The following ADGRV1 variants were observed in gnomAD, a reference collection of about 807,000 sequenced individuals.
ADGRV1 encodes the protein adhesion G protein-coupled receptor V1.
A neutral mutation model predicts 596.2 loss-of-function variants in ADGRV1; 359 were observed. That is an observed-to-expected ratio of 0.60 (90% CI 0.55 to 0.66). The LOEUF is 0.66. Ranked by LOEUF, ADGRV1 falls within the 30% of genes least tolerant of loss-of-function variation. The pLI, the probability that ADGRV1 is intolerant of heterozygous loss-of-function variation, is 0.00. For missense variants in ADGRV1, 7,274 were observed against 7,575.6 expected, an observed-to-expected ratio of 0.96 and a Z score of 1.48; for synonymous variants, 2,681 against 2,679.2, an observed-to-expected ratio of 1.00 and a Z score of -0.02.
At chr5:90,611,483 G>A (rs950037149) in intron 1 of ADGRV1, among the ~76,000 whole-genome samples, 1 of 151,970 alleles carries the variant, frequency 6.6e-6, no homozygotes, top group Admixed American at 6.6e-5. Context: ...CAAAACAAAA[G>A]TGAGAGGTGG....
chr5:90,819,252 G>A (rs1763229231), intron 75 of ADGRV1, among the ~76,000 whole-genome samples: 1 of 151,600 alleles, frequency 6.6e-6, no homozygotes, highest in African/African-American at 2.4e-5. Context: ...CTGTGGGATT[G>A]GTGGTGATAT....
At chr5:91,030,081 T>C (rs746829781) in intron 85 of ADGRV1, among the ~76,000 whole-genome samples, 3 of 152,124 alleles carry the variant, frequency 2.0e-5, no homozygotes, top group Admixed American at 6.6e-5. Flanking sequence ...AAATTACTAT[T>C]CACATGTGGG....
intron 83 of ADGRV1, among the ~76,000 whole-genome samples, chr5:90,867,622 G>T (rs1029694550): frequency 6.6e-6 from 1 of 152,216 alleles, no homozygotes; most frequent in Non-Finnish European, 1.5e-5. Flanking sequence ...AGTCCTGTGT[G>T]ACTTCCCAAA....
chr5:90,919,355 A>G (rs540897954), intron 83 of ADGRV1, among the ~76,000 whole-genome samples: 3 of 152,318 alleles, frequency 2.0e-5, no homozygotes, highest in African/African-American at 7.2e-5. Flanking sequence ...TGGTATTTAG[A>G]TAGGATTGGA....
intron 70 of ADGRV1, among the ~76,000 whole-genome samples, chr5:90,797,623 G>A (rs143072023): frequency 1.8e-4 from 27 of 152,196 alleles, no homozygotes; most frequent in African/African-American, 6.5e-4. Flanking sequence ...TGGACCAAGT[G>A]GACCTAAGAG....
At chr5:90,644,111 G>C (rs997234114) in intron 14 of ADGRV1, 128 bp downstream of exon 14, 2 of 657,726 alleles carry the variant, frequency 3.0e-6, no homozygotes, top group African/African-American at 3.7e-5. Context: ...ACATAGTGCG[G>C]AAGTTTTTTT....
At chr5:90,620,022 C>A (rs892514116) in intron 4 of ADGRV1, among the ~76,000 whole-genome samples, 3 of 151,834 alleles carry the variant, frequency 2.0e-5, no homozygotes, top group African/African-American at 7.3e-5. Flanking sequence ...TGGGTTGGTT[C>A]CAAGTCTTTG....
chr5:90,926,824 G>C (rs1774528833), intron 83 of ADGRV1, among the ~76,000 whole-genome samples: 1 of 151,184 alleles, frequency 6.6e-6, no homozygotes, highest in Admixed American at 6.6e-5. Context: ...AGAGATTCTG[G>C]TATGTTGTGT....
chr5:90,776,009 A>T (rs1273056013), intron 60 of ADGRV1, among the ~76,000 whole-genome samples: 1 of 152,224 alleles, frequency 6.6e-6, no homozygotes, highest in East Asian at 1.9e-4. Context: ...ACACAGGTTT[A>T]TAAATGCTTA....
In ADGRV1 at chr5:90,658,292, T is replaced by C; in HGVS notation, c.4752+14T>C. 6.8e-7 allele frequency: 1 copy of C among 1,466,918 alleles called. No individual in the cohort carries two copies. Among genetic ancestry groups the C allele is most frequent in the Non-Finnish European group, 9.0e-7 (1 of 1,107,768 alleles). The allele number at this position is 1,466,918 out of a possible 1,614,324, so 90.9% of individuals were successfully genotyped here. A position where few individuals can be genotyped will look rare whatever the true frequency, so the allele number is the denominator to read the frequency against. ...TGTATACCAGAGGTAAGTAGTGAGC[T>C]TGGAGAATTTTGGATTTAAAAATTC... On this transcript the variant is annotated intron_variant, in intron 21 of 89. Coordinates refer to ENST00000405460, the MANE Select transcript of ADGRV1 (RefSeq NM_032119.4).
chr5:91,138,086 C>T (rs1794789687), intron 87 of ADGRV1, among the ~76,000 whole-genome samples: 1 of 152,088 alleles, frequency 6.6e-6, no homozygotes, highest in Admixed American at 6.5e-5. Context: ...AACAGGCTAA[C>T]CCAAGAATCC....
rs767477510 is a variant in ADGRV1 at position 90,642,781 on chromosome 5, TC to T, written c.2367+21del. 6 of 1,608,270 alleles carry T rather than the reference TC, an allele frequency of 3.7e-6. No individual in the cohort carries two copies. Among genetic ancestry groups the T allele is most frequent in the Non-Finnish European group, 5.1e-6 (6 of 1,178,224 alleles). On this transcript the variant is annotated intron_variant, in intron 12 of 89. Coordinates refer to ENST00000405460, the MANE Select transcript of ADGRV1 (RefSeq NM_032119.4). Reference sequence around the variant, plus strand: ...TATAAAAGTAAGTACGAAAAAAACTTCCATTTATTCTGTGCTCACAACTTTA... The same window carrying T: ...TATAAAAGTAAGTACGAAAAAAACTTCATTTATTCTGTGCTCACAACTTTA...
chr5:90,790,895 A>G lies in ADGRV1; in HGVS notation c.14066A>G (p.Glu4689Gly), dbSNP rs1205633548. 6.2e-7 allele frequency: 1 copy of G among 1,609,778 alleles called. No homozygotes were observed. The highest frequency in any genetic ancestry group is 8.5e-7 in the Non-Finnish European group (1 of 1,178,460). The stretch of plus-strand genomic sequence containing the variant: ...TAGGTTTACTGGGAATTAAGTAGTG[A>G]GTTTGACATTACTGAAGACTTTCTT... Reference protein sequence around the residue: ...EIMVYWELSSEFDITEDFLST... With the variant: ...EIMVYWELSSGFDITEDFLST... Residue 4689 changes from glutamate (E) to glycine (G), a missense_variant, in exon 70 of 90, where the codon GAG becomes GGG. By Grantham distance (98) the Glu-to-Gly change is moderately conservative. Coordinates refer to ENST00000405460, the MANE Select transcript of ADGRV1 (RefSeq NM_032119.4).
chr5:90,856,409 C>T (rs1767027599), intron 82 of ADGRV1, among the ~76,000 whole-genome samples: 1 of 152,094 alleles, frequency 6.6e-6, no homozygotes, highest in Non-Finnish European at 1.5e-5. Context: ...TTTCACATTC[C>T]ACATCTAGGC....
Position 90,586,191 on chromosome 5 carries a change from C to A in ADGRV1, c.22+27274C>A, listed in dbSNP as rs552473626. Among the ~76,000 whole-genome samples the A allele has an allele frequency of 4.6e-5, 7 of 152,236 alleles. No individual in the cohort carries two copies. The East Asian group carries it at 9.6e-4, about 21-fold the overall frequency. On this transcript the variant is annotated intron_variant, in intron 1 of 89. Transcript: ENST00000405460. ...CTTTTTACCTCCGACTTAGAATTAG[C>A]AATTATCAAGATTTTGCCATACTTG... is the stretch of plus-strand genomic sequence containing the variant.
At chr5:90,785,345 G>A (rs985071068) in intron 67 of ADGRV1, among the ~76,000 whole-genome samples, 1 of 152,148 alleles carries the variant, frequency 6.6e-6, no homozygotes, top group Non-Finnish European at 1.5e-5. Flanking sequence ...ATAGGCGTGG[G>A]CAAGGACTTC....
Position 90,694,831 on chromosome 5 carries a change from G to GA in ADGRV1, c.7945+137dup, listed in dbSNP as rs1746982689. 7.3e-6 allele frequency: 6 copies of GA among 818,418 alleles called. No homozygotes were observed. In the South Asian group the frequency reaches 1.4e-4, roughly 19 times the overall value. 50.7% of individuals were successfully genotyped at this position (818,418 alleles called of 1,614,324 possible). A position where few individuals can be genotyped will look rare whatever the true frequency, so the allele number is the denominator to read the frequency against. On this transcript the variant is annotated intron_variant, in intron 33 of 89. Coordinates refer to ENST00000405460, the MANE Select transcript of ADGRV1 (RefSeq NM_032119.4). Reference sequence around the variant, plus strand: ...TATACAGAAATGTAGTTTGGCTTTAGAAAAAAATAGAAGTTAATTGGCTTG... The same window carrying GA: ...TATACAGAAATGTAGTTTGGCTTTAGAAAAAAAATAGAAGTTAATTGGCTTG...
chr5:90,575,502 C>T (rs1217515313), intron 1 of ADGRV1, among the ~76,000 whole-genome samples: 1 of 152,156 alleles, frequency 6.6e-6, no homozygotes, highest in Non-Finnish European at 1.5e-5. Flanking sequence ...AGGAAGTAGT[C>T]AAAGAATTCT....
At chr5:90,884,303 A>G (rs10942615) in intron 83 of ADGRV1, among the ~76,000 whole-genome samples, 25,668 of 152,058 alleles carry the variant, frequency 0.17, 2,969 homozygotes, top group East Asian at 0.33. Context: ...GGAAGCCACA[A>G]TCACCTCCAA....
Sources: gnomAD v4.1 joint callset for allele counts (sites outside exome capture counted in the v4.1 genomes callset) on GRCh38, gnomAD v4.1.1 for gene constraint, MANE v1.5 for transcripts, NCBI Gene and HGNC (gene_info 2026-07-23, HGNC 2026-07-21) for gene names.